CHCHD6: variants seen among roughly 807,000 people sequenced by gnomAD.
CHCHD6 encodes the protein coiled-coil-helix-coiled-coil-helix domain containing 6.
A neutral mutation model predicts 32.3 loss-of-function variants in CHCHD6; 28 were observed. That is an observed-to-expected ratio of 0.87 (90% CI 0.64 to 1.19). The LOEUF (loss-of-function observed/expected upper bound fraction) is 1.19. Among genes scored for constraint, CHCHD6 ranks in the 50% most tolerant of loss-of-function variants. The pLI, the probability that CHCHD6 is intolerant of heterozygous loss-of-function variation, is 0.00. For synonymous variants in CHCHD6, 122 were observed against 117.5 expected (o/e 1.04, Z -0.25); for missense variants, 333 against 307.0 (o/e 1.08, Z -0.63).
chr3:126,775,711 G>A (rs1937626817), intron 4 of CHCHD6, among the ~76,000 whole-genome samples: 1 of 152,246 alleles, frequency 6.6e-6, no homozygotes. Context: ...AGAGCTTCAT[G>A]GAGGGGCACC....
intron 4 of CHCHD6, among the ~76,000 whole-genome samples, chr3:126,763,308 TCC>T: frequency 8.9e-6 from 1 of 112,372 alleles, no homozygotes; most frequent in South Asian, 4.7e-4. Flanking sequence ...CCCCCTCTTC[TCC>T]CCTTTTTCCC....
At chr3:126,895,417 T>G (rs969649954) in intron 5 of CHCHD6, among the ~76,000 whole-genome samples, 2 of 152,170 alleles carry the variant, frequency 1.3e-5, no homozygotes, top group Non-Finnish European at 2.9e-5. Context: ...TGTCCATCAT[T>G]CTGGGCTATT....
At chr3:126,728,428 C>T (rs1441421161) in intron 2 of CHCHD6, among the ~76,000 whole-genome samples, 1 of 152,156 alleles carries the variant, frequency 6.6e-6, no homozygotes, top group Non-Finnish European at 1.5e-5. Flanking sequence ...CCAGCCTGCT[C>T]GGGGGCCTAG....
chr3:126,881,421 T>C (rs1159375958), intron 5 of CHCHD6, among the ~76,000 whole-genome samples: 1 of 152,238 alleles, frequency 6.6e-6, no homozygotes, highest in Non-Finnish European at 1.5e-5. Context: ...GCGCAGCTTC[T>C]CCTGGCTACT....
intron 5 of CHCHD6, among the ~76,000 whole-genome samples, chr3:126,853,904 A>AC (rs1941563408): frequency 6.6e-6 from 1 of 152,124 alleles, no homozygotes; most frequent in African/African-American, 2.4e-5. Context: ...TCTAATTATC[A>AC]CAGTTGCCGA....
chr3:126,719,966 C>T (rs150040310), intron 1 of CHCHD6, among the ~76,000 whole-genome samples: 3 of 152,224 alleles, frequency 2.0e-5, no homozygotes, highest in African/African-American at 7.2e-5. Flanking sequence ...CTGCAACCTC[C>T]ACCTCCTGGG....
intron 5 of CHCHD6, among the ~76,000 whole-genome samples, chr3:126,882,460 G>A (rs1559901407): frequency 6.6e-6 from 1 of 152,228 alleles, no homozygotes; most frequent in Non-Finnish European, 1.5e-5. Context: ...TTCCTCTGAT[G>A]TGAACTCTGT....
At position 126,730,705 on chromosome 3, in the gene CHCHD6, C is replaced by T. The variant is rs1011916103; in HGVS notation, c.266+75C>T. The T allele has an allele frequency of 7.1e-6, 9 of 1,271,058 alleles. No individual in the cohort carries two copies. The Admixed American group carries it at 1.5e-4, about 21-fold the overall frequency. The allele number at this position is 1,271,058 out of a possible 1,614,324, so 78.7% of individuals were successfully genotyped here. A position where few individuals can be genotyped will look rare whatever the true frequency, so the allele number is the denominator to read the frequency against. On this transcript the variant is annotated intron_variant, in intron 3 of 7. Transcript: ENST00000290913. ...CTCTTTCCTCACTGGGTACCCCTCT[C>T]CTTGCCTGAAGCCCTGGAGGCTTTG...
chr3:126,913,057 T>G (rs1393891775), intron 5 of CHCHD6, among the ~76,000 whole-genome samples: 2 of 152,124 alleles, frequency 1.3e-5, no homozygotes, highest in African/African-American at 4.8e-5. Context: ...GTCCTACAAA[T>G]GTGCAAGGCA....
chr3:126,812,284 G>C (rs1381021399), intron 4 of CHCHD6, among the ~76,000 whole-genome samples: 1 of 147,120 alleles, frequency 6.8e-6, no homozygotes, highest in Non-Finnish European at 1.5e-5. Context: ...CCTTCTCTCT[G>C]TGGCCTGATC....
At chr3:126,960,044 G>A (rs1180119915) in intron 7 of CHCHD6, 152 bp from the exon 8 acceptor site, 1 of 833,380 alleles carries the variant, frequency 1.2e-6, no homozygotes, top group African/African-American at 1.7e-5. Flanking sequence ...GTACAGAGGT[G>A]AAGAGACTCA....
chr3:126,817,909 TG>T (rs1485264239), intron 4 of CHCHD6, among the ~76,000 whole-genome samples: 2 of 152,186 alleles, frequency 1.3e-5, no homozygotes, highest in African/African-American at 4.8e-5. Context: ...ACATACCACC[TG>T]GGGGCTATAG....
At chr3:126,881,597 T>C (rs924051354) in intron 5 of CHCHD6, among the ~76,000 whole-genome samples, 1 of 152,186 alleles carries the variant, frequency 6.6e-6, no homozygotes, top group African/African-American at 2.4e-5. Flanking sequence ...AGTCGTTGCA[T>C]CTCAAGATTG....
At chr3:126,781,836 T>A (rs907073173) in intron 4 of CHCHD6, among the ~76,000 whole-genome samples, 4 of 152,216 alleles carry the variant, frequency 2.6e-5, no homozygotes, top group Non-Finnish European at 5.9e-5. Context: ...GGAGCTGAGA[T>A]CCAGAGGCCC....
intron 6 of CHCHD6, 120 bp downstream of exon 6, chr3:126,914,870 A>T: frequency 1.5e-6 from 1 of 684,924 alleles, no homozygotes; most frequent in Non-Finnish European, 2.7e-6. Context: ...ACACACAACC[A>T]TCTGTTCCTC....
chr3:126,900,211 C>G (rs970465537), intron 5 of CHCHD6, among the ~76,000 whole-genome samples: 1 of 152,296 alleles, frequency 6.6e-6, no homozygotes, highest in Middle Eastern at 3.4e-3. Flanking sequence ...GAGACCTGAT[C>G]TTAACCCTAG....
At chr3:126,804,426 T>C (rs1238977188) in intron 4 of CHCHD6, among the ~76,000 whole-genome samples, 2 of 152,154 alleles carry the variant, frequency 1.3e-5, no homozygotes, top group Non-Finnish European at 2.9e-5. Context: ...CAGAGAATAC[T>C]ACAAACACCT....
intron 6 of CHCHD6, among the ~76,000 whole-genome samples, chr3:126,925,288 C>T (rs530438869): frequency 9.2e-5 from 14 of 152,164 alleles, no homozygotes; most frequent in African/African-American, 2.9e-4. Context: ...GGTAAACACA[C>T]GGTTTGGGCC....
chr3:126,791,233 A>G (rs1412140985), intron 4 of CHCHD6, among the ~76,000 whole-genome samples: 3 of 152,142 alleles, frequency 2.0e-5, no homozygotes, highest in Admixed American at 1.3e-4. Flanking sequence ...GTCTGCCCCT[A>G]TTGGGGGGTG....
Sources: gnomAD v4.1 joint callset for allele counts (sites outside exome capture counted in the v4.1 genomes callset) on GRCh38, gnomAD v4.1.1 for gene constraint, MANE v1.5 for transcripts, NCBI Gene and HGNC (gene_info 2026-07-23, HGNC 2026-07-21) for gene names.